Variants in IRAG2 observed in about 807,000 individuals in gnomAD.
The protein encoded by IRAG2 is inositol 1,4,5-triphosphate receptor associated 2.
Under a neutral mutation model 69.9 loss-of-function variants are expected in IRAG2, and 45 were observed. The observed-to-expected ratio is 0.64, with a 90% CI of 0.51 to 0.83. The LOEUF is 0.83. Among genes scored for constraint, IRAG2 ranks in the 40% least tolerant of loss-of-function variants. The pLI is 0.00. For missense variants in IRAG2, 520 were observed against 587.0 expected, an observed-to-expected ratio of 0.89 and a Z score of 1.18; for synonymous variants, 193 against 202.4, an observed-to-expected ratio of 0.95 and a Z score of 0.40.
rs1339950421 is a variant in IRAG2, at chr12:25,062,860, C to CCTG, written c.-342_-340dup. The CCTG allele has an allele frequency of 1.8e-5, 7 of 398,846 alleles. No homozygotes were observed. Among genetic ancestry groups the CCTG allele is most frequent in the Non-Finnish European group, 3.1e-5 (7 of 226,022 alleles). The allele number at this position is 398,846 out of a possible 1,614,324, so 24.7% of individuals were successfully genotyped here. ...GAATTTCCTCACTATGATTCCCTGT[C>CCTG]CTGCGCAGATGCAATTCAACAACCT... On this transcript the variant is annotated 5_prime_UTR_variant, in exon 3 of 22. Coordinates refer to ENST00000556887, the MANE Select transcript of IRAG2 (RefSeq NM_001366544.2).
chr12:25,030,529 G>C (rs1944661083), intron 10 of IRAG2, among the ~76,000 whole-genome samples: 2 of 152,126 alleles, frequency 1.3e-5, no homozygotes, highest in African/African-American at 4.8e-5. Flanking sequence ...TGGGATTACA[G>C]GTGTTTTGCC....
At chr12:25,066,781 C>T (rs1198745739) in intron 5 of IRAG2, among the ~76,000 whole-genome samples, 3 of 151,700 alleles carry the variant, frequency 2.0e-5, no homozygotes. Flanking sequence ...TTCCAAGTAG[C>T]TGGGACTACA....
upstream of IRAG2, among the ~76,000 whole-genome samples, chr12:25,047,492 G>T (rs1944804461): frequency 6.6e-6 from 1 of 152,134 alleles, no homozygotes; most frequent in African/African-American, 2.4e-5. Context: ...GGGTACATGT[G>T]CAGGATGTGC....
chr12:25,033,102 A>G (rs1944681032), intron 12 of IRAG2, among the ~76,000 whole-genome samples: 1 of 151,990 alleles, frequency 6.6e-6, no homozygotes, highest in Admixed American at 6.6e-5. Context: ...GACTACAGGC[A>G]TATGCCACCA....
intron 2 of IRAG2, among the ~76,000 whole-genome samples, chr12:25,061,959 C>A (rs932516246): frequency 1.3e-5 from 2 of 152,164 alleles, no homozygotes; most frequent in African/African-American, 4.8e-5. Flanking sequence ...TGGGGACCTC[C>A]TTTCTGATAG....
intron 6 of IRAG2, chr12:25,076,340 A>G (rs774280977): frequency 4.7e-6 from 4 of 850,748 alleles, no homozygotes; most frequent in Non-Finnish European, 1.4e-6. Context: ...ATCAATAAAT[A>G]TTTTGTATTT....
At chr12:25,050,820 A>C (rs982865811), upstream of IRAG2, among the ~76,000 whole-genome samples, 1 of 152,242 alleles carries the variant, frequency 6.6e-6, no homozygotes, top group African/African-American at 2.4e-5. Context: ...ATTCTGCCAC[A>C]TATGACAACA....
chr12:25,107,030 A>G lies in IRAG2; in HGVS notation c.1236A>G (p.Ser412=). ...PSLSEKKNNP[S]KWDVSSVYDT... ...TTTCTGAAAAGAAAAATAATCCATC[A>G]AAGTGGGATGTCTCTTCAGTGTAAG... Residue 412 remains serine (S), a synonymous_variant, in exon 21 of 22, where the codon TCA becomes TCG. Coordinates refer to ENST00000556887, the MANE Select transcript of IRAG2 (RefSeq NM_001366544.2). 2 of 1,599,516 alleles carry G rather than the reference A, an allele frequency of 1.3e-6. No homozygotes were observed. Among genetic ancestry groups the G allele is most frequent in the Non-Finnish European group, 8.6e-7 (1 of 1,169,582 alleles).
At chr12:25,094,699 T>A (rs1948303169) in intron 14 of IRAG2, among the ~76,000 whole-genome samples, 1 of 148,434 alleles carries the variant, frequency 6.7e-6, no homozygotes, top group African/African-American at 2.5e-5. Flanking sequence ...TACCAACCCA[T>A]GAACACAGGG....
rs1249685788 is a variant in IRAG2 at position 25,090,249 on chromosome 12, G to A, written c.606+52G>A. 4.5e-6 allele frequency: 7 copies of A among 1,552,338 alleles called. No individual in the cohort carries two copies. In the East Asian group the frequency reaches 1.1e-4, roughly 25 times the overall value. Reference sequence around the variant, plus strand: ...AACATTTGGTCTAGCCAGGCACAGTGGCTCACACCTATAATCCCTGCACTT... The same window carrying A: ...AACATTTGGTCTAGCCAGGCACAGTAGCTCACACCTATAATCCCTGCACTT... On this transcript the variant is annotated intron_variant, in intron 14 of 21. Transcript: ENST00000556887.
chr12:25,089,198 A>C (rs1035570691), intron 11 of IRAG2, among the ~76,000 whole-genome samples: 2 of 152,226 alleles, frequency 1.3e-5, no homozygotes, highest in Admixed American at 1.3e-4. Context: ...TATTGTTACC[A>C]GTATTATTAT....
intron 14 of IRAG2, among the ~76,000 whole-genome samples, chr12:25,095,957 A>T (rs1948390589): frequency 6.6e-6 from 1 of 152,204 alleles, no homozygotes; most frequent in Admixed American, 6.5e-5. Context: ...ATGTCTGACA[A>T]TTGCCATCCT....
In IRAG2 at chr12:25,011,647, A is replaced by G. The variant is rs557776394; in HGVS notation, c.896+96A>G. On this transcript the variant is annotated intron_variant, in intron 3 of 38. Transcript: ENST00000636465. ...TGTTTCCTGTGTTGATGGAAATACT[A>G]TTGTCCAGTGCTTTAGCATGCATTA... The G allele has an allele frequency of 1.2e-4, 94 of 813,390 alleles. No homozygotes were observed. The African/African-American group carries it at 1.4e-3, about 12-fold the overall frequency. The allele number at this position is 813,390 out of a possible 1,614,324, so 50.4% of individuals were successfully genotyped here. A position where few individuals can be genotyped will look rare whatever the true frequency, so the allele number is the denominator to read the frequency against.
chr12:25,025,445 G>A (rs1565528863), intron 8 of IRAG2, among the ~76,000 whole-genome samples: 1 of 152,196 alleles, frequency 6.6e-6, no homozygotes, highest in Non-Finnish European at 1.5e-5. Flanking sequence ...CAGGCCAAGA[G>A]CTGGAGGGTC....
At chr12:25,006,962 A>G (rs11047749) in intron 2 of IRAG2, among the ~76,000 whole-genome samples, 3 of 152,112 alleles carry the variant, frequency 2.0e-5, no homozygotes, top group Non-Finnish European at 4.4e-5. Flanking sequence ...GAAAAGAAGG[A>G]AAAAAAATTG....
chr12:25,054,847 A>T (rs1945131876), intron 1 of IRAG2, among the ~76,000 whole-genome samples: 1 of 152,200 alleles, frequency 6.6e-6, no homozygotes. Context: ...TTTAGATAGC[A>T]CGTATTTTCA....
intron 11 of IRAG2, among the ~76,000 whole-genome samples, chr12:25,089,398 T>A (rs1455918849): frequency 3.2e-5 from 4 of 123,560 alleles, no homozygotes; most frequent in Non-Finnish European, 5.6e-5. Flanking sequence ...GAAAGACTAT[T>A]CACATGCTGA....
At chr12:25,040,188 A>T (rs1944736370) in intron 16 of IRAG2, among the ~76,000 whole-genome samples, 1 of 152,234 alleles carries the variant, frequency 6.6e-6, no homozygotes, top group Non-Finnish European at 1.5e-5. Flanking sequence ...CTACACACAA[A>T]ATAATTTGAC....
chr12:25,006,952 G>A (rs1239141593), intron 2 of IRAG2, among the ~76,000 whole-genome samples: 1 of 152,048 alleles, frequency 6.6e-6, no homozygotes, highest in Non-Finnish European at 1.5e-5. Flanking sequence ...ACTGACAAGC[G>A]AAAAGAAGGA....
Sources: gnomAD v4.1 joint callset for allele counts (sites outside exome capture counted in the v4.1 genomes callset) on GRCh38, gnomAD v4.1.1 for gene constraint, MANE v1.5 for transcripts, NCBI Gene and HGNC (gene_info 2026-07-23, HGNC 2026-07-21) for gene names.